LPA: variants seen among roughly 807,000 people sequenced by gnomAD.
LPA encodes the protein lipoprotein(a).
LPA carries 199 observed loss-of-function variants against 197.9 expected under a neutral mutation model. The ratio of observed to expected loss-of-function variants is 1.01; its 90% CI spans 0.90 to 1.13. The LOEUF is 1.13. Ranked by LOEUF, LPA falls within the 50% of genes most tolerant of loss-of-function variation. LPA has a pLI of 0.00. For synonymous variants in LPA, 715 were observed against 639.5 expected (o/e 1.12, Z -1.78); for missense variants, 1,853 against 1,785.8 (o/e 1.04, Z -0.68).
chr6:160,590,771 A>T (rs190900874), intron 23 of LPA, among the ~76,000 whole-genome samples, 173 bp downstream of exon 23: 1 of 152,200 alleles, frequency 6.6e-6, no homozygotes, highest in East Asian at 1.9e-4. Context: ...GGGTGCCAAA[A>T]ATCTCAGCCC....
chr6:160,610,333 C>G (rs1036697610), intron 16 of LPA, among the ~76,000 whole-genome samples: 51 of 152,196 alleles, frequency 3.4e-4, no homozygotes, highest in African/African-American at 1.1e-3. Flanking sequence ...TTCAGCTGTG[C>G]AAGGGGTTGT....
chr6:160,578,302 TGTGCCCTTCCTAAAGACACC>T (rs1013762799), intron 27 of LPA, among the ~76,000 whole-genome samples: 8 of 152,120 alleles, frequency 5.3e-5, no homozygotes, highest in African/African-American at 1.4e-4. Context: ...CTGGCGGGTC[TGTGCCCTTCCTAAAGACACC>T]GTGCCCTTCC....
chr6:160,554,984 T>G (rs1778230338), intron 30 of LPA, among the ~76,000 whole-genome samples: 1 of 152,074 alleles, frequency 6.6e-6, no homozygotes, highest in Non-Finnish European at 1.5e-5. Flanking sequence ...CTAAATTATC[T>G]CAGTCCTGTA....
intron 34 of LPA, among the ~76,000 whole-genome samples, chr6:160,542,232 C>T (rs920716313): frequency 7.2e-5 from 11 of 152,130 alleles, no homozygotes; most frequent in South Asian, 2.1e-4. Context: ...TGAATAGCCT[C>T]GGCATTGAAT....
chr6:160,542,026 G>C (rs981338208), intron 34 of LPA, among the ~76,000 whole-genome samples: 2 of 152,204 alleles, frequency 1.3e-5, no homozygotes, highest in African/African-American at 4.8e-5. Flanking sequence ...GAAAGGAGAT[G>C]AGGAAGCAAA....
chr6:160,545,509 T>C lies in LPA; in HGVS notation c.5329A>G (p.Ile1777Val), dbSNP rs41264856. The C allele has an allele frequency of 1.4e-4, 228 of 1,613,282 alleles. 1 individual carries two copies. In the African/African-American group the frequency reaches 2.6e-3, roughly 18 times the overall value. ...KNYCRNPDGD[I>V]NGPWCYTMNP... Reference sequence around the variant, plus strand: ...ATTGTGTAGCACCAGGGACCATTGATGTCACCATCAGGGTTACGGCAGTAC... The same window carrying C: ...ATTGTGTAGCACCAGGGACCATTGACGTCACCATCAGGGTTACGGCAGTAC... The change falls in exon 33 of 39, where the codon ATC becomes GTC. Residue 1777 changes from isoleucine to valine, a missense_variant. Ile to Val is a conservative substitution (Grantham distance 29, BLOSUM62 3). Around this residue, in one of 3 missense-constraint regions of LPA, gnomAD observed 1,737 missense variants for 1,504.4 expected, o/e 1.15. Transcript: ENST00000316300.
intron 28 of LPA, among the ~76,000 whole-genome samples, chr6:160,568,751 C>A (rs1583584789): frequency 6.6e-6 from 1 of 152,194 alleles, no homozygotes; most frequent in Non-Finnish European, 1.5e-5. Context: ...TCTTCTCAGA[C>A]CAAAATCTCC....
At chr6:160,580,449 T>C (rs1308262921) in intron 26 of LPA, among the ~76,000 whole-genome samples, 1 of 152,194 alleles carries the variant, frequency 6.6e-6, no homozygotes, top group Non-Finnish European at 1.5e-5. Flanking sequence ...GTTTGTAGGA[T>C]AGATGCATAT....
intron 29 of LPA, 33 bp from the exon 30 acceptor site, chr6:160,556,217 C>T (rs1180383442): frequency 6.2e-7 from 1 of 1,610,402 alleles, no homozygotes; most frequent in South Asian, 1.1e-5. Context: ...TGAGTAACTA[C>T]TAGTATGCAG....
At chr6:160,541,004 G>A in intron 35 of LPA, 103 bp downstream of exon 35, 6 of 941,664 alleles carry the variant, frequency 6.4e-6, no homozygotes, top group Non-Finnish European at 1.0e-5. Context: ...AGAGAGGTGG[G>A]GAGGAAGGAA....
At chr6:160,539,445 GTT>G (rs527511967) in intron 36 of LPA, among the ~76,000 whole-genome samples, 24 of 142,608 alleles carry the variant, frequency 1.7e-4, no homozygotes, top group African/African-American at 4.3e-4. Context: ...TGTTGTGTGG[GTT>G]TTTTTTTTTT....
chr6:160,583,147 A>G (rs1778832121), intron 26 of LPA, among the ~76,000 whole-genome samples: 1 of 151,958 alleles, frequency 6.6e-6, no homozygotes, highest in African/African-American at 2.4e-5. Flanking sequence ...CTCCTTGCCA[A>G]TTCTGTTATT....
chr6:160,569,463 C>T (rs1156874603), intron 28 of LPA, among the ~76,000 whole-genome samples: 1 of 150,586 alleles, frequency 6.6e-6, no homozygotes, highest in African/African-American at 2.4e-5. Flanking sequence ...CTTCCTTACA[C>T]CTTATATAAA....
At chr6:160,654,034 ATTATATATAATATATAATATATT>A in intron 1 of LPA, among the ~76,000 whole-genome samples, 8 of 15,666 alleles carry the variant, frequency 5.1e-4, no homozygotes, top group African/African-American at 2.9e-3. Context: ...TATAATATAT[ATTATATATAATATATAATATATT>A]ATATATATTA....
intron 16 of LPA, among the ~76,000 whole-genome samples, chr6:160,607,697 C>T (rs977944340): frequency 2.0e-5 from 3 of 152,078 alleles, no homozygotes; most frequent in Non-Finnish European, 1.5e-5. Flanking sequence ...GAAACACTGT[C>T]TCTCTAGAGA....
At chr6:160,556,355 T>G (rs557927401) in intron 29 of LPA, among the ~76,000 whole-genome samples, 171 bp from the exon 30 acceptor site, 1 of 152,116 alleles carries the variant, frequency 6.6e-6, no homozygotes, top group African/African-American at 2.4e-5. Context: ...ATTCTAATAT[T>G]TTAATAAGTT....
At chr6:160,634,062 CA>C in intron 7 of LPA, 150 bp from the exon 8 acceptor site, 2 of 973,462 alleles carry the variant, frequency 2.1e-6, no homozygotes, top group Non-Finnish European at 3.1e-6. Flanking sequence ...GAAAACCAAC[CA>C]AAAAACATAC....
At chr6:160,576,394 A>ATATATATATATATATATATATGGG (rs1256055663) in intron 28 of LPA, among the ~76,000 whole-genome samples, 2 of 53,752 alleles carry the variant, frequency 3.7e-5, no homozygotes, top group Non-Finnish European at 9.3e-5. Flanking sequence ...ATATATGTAT[A>ATATATATATATATATATATATGGG]TATATATATA....
At chr6:160,608,175 A>G (rs1201048994) in intron 16 of LPA, among the ~76,000 whole-genome samples, 1 of 152,162 alleles carries the variant, frequency 6.6e-6, no homozygotes, top group African/African-American at 2.4e-5. Context: ...TCTTCATTAC[A>G]TGGGCTGCAG....
Sources: gnomAD v4.1 joint callset for allele counts (sites outside exome capture counted in the v4.1 genomes callset) on GRCh38, gnomAD v4.1.1 for gene constraint, gnomAD v4.1.1 regional missense constraint, MANE v1.5 for transcripts, NCBI Gene and HGNC (gene_info 2026-07-23, HGNC 2026-07-21) for gene names.